SESTD1: variants seen among roughly 807,000 people sequenced by gnomAD.
SESTD1 encodes SEC14 domain and spectrin repeat-containing protein 1.
In SESTD1, 43 loss-of-function variants were observed where a neutral mutation model predicts 101.7. The observed-to-expected ratio is 0.42, with a 90% CI of 0.33 to 0.55. The LOEUF (loss-of-function observed/expected upper bound fraction) is 0.55, where lower values mean the gene tolerates loss of function less well. SESTD1 is among the 20% of genes least tolerant of loss of function. The probability of loss-of-function intolerance (pLI) is 0.07; values close to 1 mark genes in which losing one functional copy is unlikely to be tolerated. For synonymous variants in SESTD1, 283 were observed against 286.8 expected, an observed-to-expected ratio of 0.99 and a Z score of 0.13; for missense variants, 647 against 815.1, an observed-to-expected ratio of 0.79 and a Z score of 2.51.
At chr2:179,182,881 T>C (rs1016594742) in intron 3 of SESTD1, among the ~76,000 whole-genome samples, 199 bp downstream of exon 3, 5 of 152,126 alleles carry the variant, frequency 3.3e-5, no homozygotes, top group East Asian at 3.8e-4. Flanking sequence ...AATCTGTATA[T>C]CCTTAAATTC....
At chr2:179,173,610 A>C (rs1257817278) in intron 4 of SESTD1, among the ~76,000 whole-genome samples, 4 of 152,216 alleles carry the variant, frequency 2.6e-5, no homozygotes, top group Non-Finnish European at 5.9e-5. Flanking sequence ...AGAGTTAAAA[A>C]GTCATTGAGC....
chr2:179,160,267 G>A (rs189869326), intron 5 of SESTD1, among the ~76,000 whole-genome samples: 169 of 152,174 alleles, frequency 1.1e-3, no homozygotes, highest in African/African-American at 3.9e-3. Context: ...CATGTATTAC[G>A]TATAATTCAT....
intron 13 of SESTD1, among the ~76,000 whole-genome samples, chr2:179,118,686 T>C (rs1457549061): frequency 6.6e-6 from 1 of 152,144 alleles, no homozygotes; most frequent in Non-Finnish European, 1.5e-5. Context: ...TAAAAAACAA[T>C]GTAGGCCACT....
At chr2:179,154,280 A>G in intron 5 of SESTD1, among the ~76,000 whole-genome samples, 1 of 134,704 alleles carries the variant, frequency 7.4e-6, no homozygotes, top group African/African-American at 2.7e-5. Context: ...GAAGGAAGGA[A>G]GGGAGGAAGG....
At chr2:179,154,321 G>A (rs2045586730) in intron 5 of SESTD1, among the ~76,000 whole-genome samples, 1 of 151,364 alleles carries the variant, frequency 6.6e-6, no homozygotes, top group African/African-American at 2.4e-5. Context: ...GAGGGAGAGA[G>A]GGAGACAGAA....
intron 14 of SESTD1, 120 bp from the exon 15 acceptor site, chr2:179,116,910 G>A (rs2044645734): frequency 6.1e-6 from 8 of 1,314,440 alleles, no homozygotes; most frequent in African/African-American, 1.5e-5. Context: ...ATAACCTAAA[G>A]TCTTAAAAGC....
At chr2:179,132,494 A>G in intron 9 of SESTD1, 68 bp from the exon 10 acceptor site, 1 of 1,513,940 alleles carries the variant, frequency 6.6e-7, no homozygotes, top group Non-Finnish European at 8.8e-7. Flanking sequence ...ATTCTAACTT[A>G]TTTTTCCCCT....
Position 179,191,780 on chromosome 2 carries a change from A to G in SESTD1, c.55+7T>C. ...CAAACACTTCAAATTTTAAGAAGAAATCATACCTGAAAGGAAGGCTAGTTT... is the reference window on the plus strand; with the variant it reads ...CAAACACTTCAAATTTTAAGAAGAAGTCATACCTGAAAGGAAGGCTAGTTT... On this transcript the variant is annotated splice_region_variant and intron_variant, in intron 2 of 17. Transcript: ENST00000428443. 1 of 1,610,760 alleles carries G rather than the reference A, an allele frequency of 6.2e-7. No homozygotes were observed. Among genetic ancestry groups the G allele is most frequent in the Admixed American group, 1.7e-5 (1 of 59,636 alleles).
intron 17 of SESTD1, among the ~76,000 whole-genome samples, chr2:179,111,580 CACA>C (rs1214418181): frequency 6.6e-6 from 1 of 152,138 alleles, no homozygotes; most frequent in African/African-American, 2.4e-5. Flanking sequence ...CACACTATAC[CACA>C]ACGTTAAAGG....
chr2:179,203,749 C>T (rs1187688597), intron 1 of SESTD1, among the ~76,000 whole-genome samples: 1 of 133,692 alleles, frequency 7.5e-6, no homozygotes, highest in African/African-American at 3.0e-5. Context: ...AATACTTGTG[C>T]CTGGCATCTA....
intron 16 of SESTD1, among the ~76,000 whole-genome samples, chr2:179,113,691 GTTAT>G (rs1048703023): frequency 6.6e-6 from 1 of 151,948 alleles, no homozygotes; most frequent in African/African-American, 2.4e-5. Flanking sequence ...TATAGTTGTG[GTTAT>G]TTATATTTAT....
intron 2 of SESTD1, among the ~76,000 whole-genome samples, chr2:179,185,964 G>A (rs1244253621): frequency 2.9e-5 from 4 of 136,506 alleles, no homozygotes; most frequent in African/African-American, 1.1e-4. Flanking sequence ...ATATAATATA[G>A]CATATACAAT....
In SESTD1 at chr2:179,124,993, G is replaced by A. The variant is rs1469109664; in HGVS notation, c.973-435C>T. Among the ~76,000 whole-genome samples, 3 of 152,110 alleles carry A rather than the reference G, an allele frequency of 2.0e-5. 1 individual carries two copies. Among genetic ancestry groups the A allele is most frequent in the Middle Eastern group, 6.3e-3 (2 of 316 alleles). On this transcript the variant is annotated intron_variant, in intron 10 of 17. Transcript: ENST00000428443. ...GTGTGGTATCACCTCATCCACAGAAGGGTTTAGCAAAGGTCACACTGCCTT... is the reference window on the plus strand; with the variant it reads ...GTGTGGTATCACCTCATCCACAGAAAGGTTTAGCAAAGGTCACACTGCCTT...
At chr2:179,133,346 A>G (rs1559105645) in intron 9 of SESTD1, among the ~76,000 whole-genome samples, 1 of 152,180 alleles carries the variant, frequency 6.6e-6, no homozygotes, top group Non-Finnish European at 1.5e-5. Flanking sequence ...ATCTGGAATA[A>G]TGTTTACTAT....
rs756075941 is a variant in SESTD1, at chr2:179,109,657, G to GT, written c.*241dup. The GT allele has an allele frequency of 1.2e-4, 59 of 481,326 alleles. No homozygotes were observed. The highest frequency in any genetic ancestry group is 1.2e-4 in the Non-Finnish European group (33 of 277,502). 29.8% of individuals were successfully genotyped at this position (481,326 alleles called of 1,614,324 possible). ...CAGGTCAGGTAAAGCTTTAAAGCAA[G>GT]TTTTCAGTGCAATGTTTATAGTTCC... On this transcript the variant is annotated 3_prime_UTR_variant, in exon 18 of 18. Coordinates refer to ENST00000428443, the MANE Select transcript of SESTD1 (RefSeq NM_178123.5).
At chr2:179,114,306 G>C (rs984579782) in intron 16 of SESTD1, among the ~76,000 whole-genome samples, 1 of 152,100 alleles carries the variant, frequency 6.6e-6, no homozygotes, top group African/African-American at 2.4e-5. Flanking sequence ...GAGGTTCCTT[G>C]CAACATCTGT....
At chr2:179,122,674 G>T (rs2044779989) in intron 12 of SESTD1, among the ~76,000 whole-genome samples, 1 of 152,200 alleles carries the variant, frequency 6.6e-6, no homozygotes, top group Non-Finnish European at 1.5e-5. Context: ...CAGATCACCA[G>T]AGGTCAGGAG....
chr2:179,241,790 C>T (rs763376621), intron 1 of SESTD1, among the ~76,000 whole-genome samples: 4 of 151,906 alleles, frequency 2.6e-5, no homozygotes, highest in Non-Finnish European at 4.4e-5. Flanking sequence ...GGCATGGTGG[C>T]GGGTACCTGT....
chr2:179,109,918 A>G lies in SESTD1; in HGVS notation c.2072T>C (p.Met691Thr), dbSNP rs1191141076. 1.9e-6 allele frequency: 3 copies of G among 1,613,820 alleles called. No individual in the cohort carries two copies. The highest frequency in any genetic ancestry group is 2.5e-6 in the Non-Finnish European group (3 of 1,179,912). ...TAGCTATTAGCTCTCTGTGGTCACC[A>G]TTTCAGGATGTCTCAGCTGCTGCCT... is the stretch of plus-strand genomic sequence containing the variant. Reference protein sequence around the residue: ...LKRQQLRHPEMVTTES With the variant: ...LKRQQLRHPETVTTES Residue 691 changes from methionine to threonine, a missense_variant, in exon 18 of 18, where the codon ATG becomes ACG. By Grantham distance (81) the Met-to-Thr change is moderately conservative. Around this residue, in one of 3 missense-constraint regions of SESTD1, gnomAD observed 476 missense variants for 562.6 expected, o/e 0.85. Coordinates refer to ENST00000428443, the MANE Select transcript of SESTD1 (RefSeq NM_178123.5).
Sources: gnomAD v4.1 joint callset for allele counts (sites outside exome capture counted in the v4.1 genomes callset) on GRCh38, gnomAD v4.1.1 for gene constraint, gnomAD v4.1.1 regional missense constraint, MANE v1.5 for transcripts, NCBI Gene and HGNC (gene_info 2026-07-23, HGNC 2026-07-21) for gene names.